SYK: variants seen among roughly 807,000 people sequenced by gnomAD.
SYK encodes the protein spleen associated tyrosine kinase.
Under a neutral mutation model 77.8 loss-of-function variants are expected in SYK, and 16 were observed. The ratio of observed to expected loss-of-function variants is 0.21; its 90% CI spans 0.14 to 0.31. SYK has a LOEUF of 0.31. SYK is among the 10% of genes least tolerant of loss of function. The pLI is 1.00. For missense variants in SYK, 529 were observed against 814.4 expected, an observed-to-expected ratio of 0.65 and a Z score of 4.26; for synonymous variants, 312 against 308.7, an observed-to-expected ratio of 1.01 and a Z score of -0.11.
chr9:90,883,272 C>T (rs539970160), intron 11 of SYK, among the ~76,000 whole-genome samples: 1 of 152,070 alleles, frequency 6.6e-6, no homozygotes, highest in African/African-American at 2.4e-5. Flanking sequence ...ACACTGCTCC[C>T]CCTGAGAATG....
chr9:90,823,482 A>G (rs1197484074), intron 1 of SYK, among the ~76,000 whole-genome samples: 2 of 152,260 alleles, frequency 1.3e-5, no homozygotes, highest in East Asian at 3.8e-4. Flanking sequence ...TCACCAAGAT[A>G]GAGCACATTC....
At chr9:90,884,172 C>CATATGTGTATATGTGTGTATAT (rs1262275274) in intron 11 of SYK, among the ~76,000 whole-genome samples, 2 of 147,538 alleles carry the variant, frequency 1.4e-5, no homozygotes, top group Non-Finnish European at 3.0e-5. Context: ...CACACATACA[C>CATATGTGTATATGTGTGTATAT]ATACGTGTAT....
chr9:90,810,055 C>T (rs894219870), intron 1 of SYK, among the ~76,000 whole-genome samples: 3 of 152,092 alleles, frequency 2.0e-5, no homozygotes, highest in African/African-American at 4.8e-5. Context: ...AGGTATTCCC[C>T]GGAGCTTGTT....
At chr9:90,807,031 G>A (rs143421180) in intron 1 of SYK, among the ~76,000 whole-genome samples, 360 of 152,352 alleles carry the variant, frequency 2.4e-3, no homozygotes, top group African/African-American at 8.2e-3. Flanking sequence ...AAGTAAGTAA[G>A]CATGAGAAAT....
chr9:90,886,257 A>T (rs1828570404), intron 11 of SYK, among the ~76,000 whole-genome samples: 1 of 152,248 alleles, frequency 6.6e-6, no homozygotes, highest in South Asian at 2.1e-4. Context: ...AAACACAATG[A>T]GATACCATCT....
chr9:90,817,115 T>A (rs1296356775), intron 1 of SYK, among the ~76,000 whole-genome samples: 1 of 152,226 alleles, frequency 6.6e-6, no homozygotes, highest in Non-Finnish European at 1.5e-5. Flanking sequence ...TCATCAGCTA[T>A]CATTAGTGTT....
chr9:90,836,950 G>A (rs374364888), intron 1 of SYK, among the ~76,000 whole-genome samples: 1 of 152,116 alleles, frequency 6.6e-6, no homozygotes, highest in African/African-American at 2.4e-5. Flanking sequence ...GTACAGTATT[G>A]TAAACATATA....
At chr9:90,822,342 T>C (rs955866650) in intron 1 of SYK, among the ~76,000 whole-genome samples, 6 of 152,176 alleles carry the variant, frequency 3.9e-5, no homozygotes, top group African/African-American at 1.4e-4. Context: ...TGGCACTGTT[T>C]TGGTACCAAA....
rs897851867 is a variant in SYK, at chr9:90,896,942, G to A, written c.*1342G>A. The A allele has an allele frequency of 3.6e-5, 7 of 196,724 alleles. No individual in the cohort carries two copies. Among genetic ancestry groups the A allele is most frequent in the Non-Finnish European group, 5.3e-5 (5 of 95,026 alleles). 12.2% of individuals were successfully genotyped at this position (196,724 alleles called of 1,614,324 possible). A position where few individuals can be genotyped will look rare whatever the true frequency, so the allele number is the denominator to read the frequency against. ...CTCGGGAGGCTGAGGCAGGAGAATC[G>A]CTTGAACCCAGGAAACGGAGGTCGC... is the stretch of plus-strand genomic sequence containing the variant. On this transcript the variant is annotated 3_prime_UTR_variant, in exon 14 of 14. Transcript: ENST00000375754.
rs369543425 is a variant in SYK at position 90,848,701 on chromosome 9, G to GA, written c.578+3109dup. On this transcript the variant is annotated intron_variant, in intron 3 of 13. Coordinates refer to ENST00000375754, the MANE Select transcript of SYK (RefSeq NM_003177.7). ...ACATTACTGGAGTCTGTAGTTGCAT[G>GA]AAGCACTAAGTGCCAGGCACCATTC... 1.7e-3 allele frequency among the ~76,000 whole-genome samples: 262 copies of GA among 152,330 alleles called. 4 individuals are homozygous for GA. The Middle Eastern group carries it at 0.037, about 22-fold the overall frequency.
Position 90,895,495 on chromosome 9 carries a change from T to C in SYK, c.1836-33T>C, listed in dbSNP as rs536602347. The C allele has an allele frequency of 1.1e-5, 17 of 1,612,278 alleles. No individual in the cohort carries two copies. The highest frequency in any genetic ancestry group is 6.7e-5 in the Admixed American group (4 of 60,008). On this transcript the variant is annotated intron_variant, in intron 13 of 13. Transcript: ENST00000375754. The surrounding 1 kb of genome is among the most constrained non-coding windows in gnomAD (Gnocchi z 4.4). ...TGATCAGCAATTTTTCACAAGCACA[T>C]TGACAAACAAGAATGCATCTCTTCC... is the stretch of plus-strand genomic sequence containing the variant.
chr9:90,891,275 AG>A (rs1828782221), intron 13 of SYK, among the ~76,000 whole-genome samples: 1 of 151,376 alleles, frequency 6.6e-6, no homozygotes, highest in Non-Finnish European at 1.5e-5. Flanking sequence ...CCTCCCGAGT[AG>A]CTGGGACTAC....
At chr9:90,855,099 C>T (rs1826978641) in intron 3 of SYK, among the ~76,000 whole-genome samples, 1 of 151,958 alleles carries the variant, frequency 6.6e-6, no homozygotes, top group Non-Finnish European at 1.5e-5. Context: ...TGGGGCCCAA[C>T]TTAAAGTACT....
Position 90,862,220 on chromosome 9 carries a change from A to G in SYK, c.593A>G (p.Asp198Gly). Residue 198 changes from aspartate (D) to glycine (G), a missense_variant, in exon 4 of 14, where the codon GAC becomes GGC. Physicochemically the swap from Asp to Gly is moderately conservative, Grantham distance 94. This residue lies in a region of SYK where 321 missense variants were observed against 433.1 expected (regional missense o/e 0.74). Coordinates refer to ENST00000375754, the MANE Select transcript of SYK (RefSeq NM_003177.7). The part of the protein sequence containing the change: ...TNGKFLIRAR[D>G]NNGSYALCLL... ...CTCTCTTCTAGGATCCGAGCCAGAG[A>G]CAACAACGGCTCCTACGCCCTGTGC... The G allele has an allele frequency of 6.2e-7, 1 of 1,612,434 alleles. No individual in the cohort carries two copies.
chr9:90,854,240 G>C (rs1159766771), intron 3 of SYK, among the ~76,000 whole-genome samples: 1 of 152,218 alleles, frequency 6.6e-6, no homozygotes, highest in Non-Finnish European at 1.5e-5. Context: ...CTGCTCAGCT[G>C]CCCCGAGTGT....
At chr9:90,851,467 G>A (rs973112962) in intron 3 of SYK, among the ~76,000 whole-genome samples, 2 of 152,156 alleles carry the variant, frequency 1.3e-5, no homozygotes, top group African/African-American at 4.8e-5. Flanking sequence ...CCTCACAGCC[G>A]CCTGTGGCAT....
intron 3 of SYK, among the ~76,000 whole-genome samples, chr9:90,856,804 C>T (rs1233160739): frequency 6.6e-6 from 1 of 152,136 alleles, no homozygotes; most frequent in Non-Finnish European, 1.5e-5. Context: ...CTCATGCTTC[C>T]TTATGTTTTC....
At chr9:90,841,765 ATGTGTGTAGTACATGG>A (rs1826360664) in intron 1 of SYK, among the ~76,000 whole-genome samples, 1 of 142,572 alleles carries the variant, frequency 7.0e-6, no homozygotes. Context: ...GGTGTATGTG[ATGTGTGTAGTACATGG>A]TGTGTGTAGT....
chr9:90,822,554 C>G (rs1412101115), intron 1 of SYK, among the ~76,000 whole-genome samples: 1 of 152,206 alleles, frequency 6.6e-6, no homozygotes. Context: ...GTCTCTTTCT[C>G]ATTAGCAGAG....
Sources: allele counts gnomAD v4.1 joint callset (sites outside exome capture counted in the v4.1 genomes callset), GRCh38; gene constraint gnomAD v4.1.1; regional missense constraint gnomAD v4.1.1; non-coding constraint Gnocchi (gnomAD v3.1); transcripts MANE v1.5; gene names NCBI Gene and HGNC (gene_info 2026-07-23, HGNC 2026-07-21).